Variants in TASP1 observed in about 807,000 individuals in gnomAD.
TASP1 encodes threonine aspartase 1.
Under a neutral mutation model 56.6 loss-of-function variants are expected in TASP1, and 16 were observed. That is an observed-to-expected ratio of 0.28 (90% confidence interval 0.19 to 0.43). The LOEUF (loss-of-function observed/expected upper bound fraction) is 0.43. TASP1 is among the 20% of genes least tolerant of loss of function. The probability of loss-of-function intolerance (pLI) is 1.00; values close to 1 mark genes in which losing one functional copy is unlikely to be tolerated. For synonymous variants in TASP1, 179 were observed against 184.2 expected, an observed-to-expected ratio of 0.97 and a Z score of 0.23; for missense variants, 393 against 511.6, an observed-to-expected ratio of 0.77 and a Z score of 2.24.
chr20:13,315,222 A>G, the TASP1 span, among the ~76,000 whole-genome samples: 3 of 152,166 alleles, frequency 2.0e-5, no homozygotes, highest in African/African-American at 2.4e-5. Flanking sequence ...AACATCAATG[A>G]CCTAAATATA....
downstream of TASP1, among the ~76,000 whole-genome samples, chr20:13,387,553 T>C (rs118162217): frequency 9.9e-4 from 151 of 152,348 alleles, 2 homozygotes; most frequent in East Asian, 0.028. Flanking sequence ...TTTCTTTATC[T>C]AGTTCACTGC....
At chr20:13,626,660 C>A (rs1174591376) in intron 2 of TASP1, among the ~76,000 whole-genome samples, 1 of 152,116 alleles carries the variant, frequency 6.6e-6, no homozygotes, top group Non-Finnish European at 1.5e-5. Flanking sequence ...AAACCTGTTT[C>A]TCAAGAGAAC....
the TASP1 span, among the ~76,000 whole-genome samples, chr20:13,207,322 C>G: frequency 9.1e-4 from 138 of 152,316 alleles, no homozygotes; most frequent in African/African-American, 3.1e-3. Flanking sequence ...AACTGACATA[C>G]TGTTGCTTTT....
the TASP1 span, chr20:13,167,340 C>T: frequency 1.4e-5 from 2 of 145,662 alleles, no homozygotes; most frequent in Non-Finnish European, 1.6e-5. Context: ...ACATCACCGC[C>T]CCGACCTTAG....
the TASP1 span, among the ~76,000 whole-genome samples, chr20:13,264,325 C>T: frequency 6.6e-6 from 1 of 152,152 alleles, no homozygotes; most frequent in Non-Finnish European, 1.5e-5. Context: ...TGATTTGTGC[C>T]TCTTCTGGAG....
At chr20:13,420,370 T>C (rs1174986520) in intron 12 of TASP1, among the ~76,000 whole-genome samples, 1 of 152,242 alleles carries the variant, frequency 6.6e-6, no homozygotes, top group African/African-American at 2.4e-5. Context: ...TTTCTAGATC[T>C]AGTGTTTAGG....
At chr20:13,242,292 C>T in the TASP1 span, among the ~76,000 whole-genome samples, 11 of 152,190 alleles carry the variant, frequency 7.2e-5, 1 homozygote, top group South Asian at 4.2e-4. Context: ...TTTAGATGAA[C>T]GGAGAATGAC....
chr20:13,106,486 G>T, the TASP1 span, among the ~76,000 whole-genome samples: 1 of 152,188 alleles, frequency 6.6e-6, no homozygotes, highest in African/African-American at 2.4e-5. Context: ...CTTCAGTGAT[G>T]AGTGAGCATT....
chr20:13,476,046 G>A (rs2042937923), intron 11 of TASP1, among the ~76,000 whole-genome samples: 1 of 152,168 alleles, frequency 6.6e-6, no homozygotes, highest in African/African-American at 2.4e-5. Flanking sequence ...TTGAATCCAG[G>A]AGGCGGAGAC....
At chr20:13,329,822 GA>G in the TASP1 span, among the ~76,000 whole-genome samples, 4 of 152,042 alleles carry the variant, frequency 2.6e-5, no homozygotes, top group Non-Finnish European at 5.9e-5. Flanking sequence ...AGAGGGATAA[GA>G]GTGGACATCC....
the TASP1 span, among the ~76,000 whole-genome samples, chr20:13,289,851 T>C: frequency 6.6e-6 from 1 of 152,176 alleles, no homozygotes; most frequent in Non-Finnish European, 1.5e-5. Context: ...CTTAGAGCCT[T>C]TCAAGAAACC....
At chr20:13,111,956 C>T in the TASP1 span, among the ~76,000 whole-genome samples, 1 of 152,192 alleles carries the variant, frequency 6.6e-6, no homozygotes, top group Non-Finnish European at 1.5e-5. Flanking sequence ...GCGCCTGCAT[C>T]CCACCACTTC....
the TASP1 span, among the ~76,000 whole-genome samples, chr20:13,285,229 T>G: frequency 1.3e-5 from 2 of 152,020 alleles, no homozygotes; most frequent in Admixed American, 1.3e-4. Context: ...AATTCAGGGC[T>G]GCAATGAGCC....
At chr20:13,222,598 A>C in the TASP1 span, among the ~76,000 whole-genome samples, 1 of 152,050 alleles carries the variant, frequency 6.6e-6, no homozygotes, top group Non-Finnish European at 1.5e-5. Flanking sequence ...ACTTGTAGCA[A>C]AGTCTTTCTC....
the TASP1 span, among the ~76,000 whole-genome samples, chr20:13,198,822 CT>C: frequency 7.2e-6 from 1 of 139,006 alleles, no homozygotes; most frequent in Admixed American, 7.4e-5. Flanking sequence ...TTCTTTCTTT[CT>C]TTCTTTCTTT....
chr20:13,323,580 T>C, the TASP1 span, among the ~76,000 whole-genome samples: 1 of 152,242 alleles, frequency 6.6e-6, no homozygotes, highest in South Asian at 2.1e-4. Context: ...TTTACTTTGT[T>C]AGGCAACATA....
chr20:13,577,354 T>C (rs994582414), intron 6 of TASP1, among the ~76,000 whole-genome samples: 6 of 152,188 alleles, frequency 3.9e-5, no homozygotes, highest in South Asian at 2.1e-4. Context: ...ATGCATCACA[T>C]TGTTTTGTAA....
chr20:13,564,004 T>C (rs2046432955), intron 7 of TASP1, among the ~76,000 whole-genome samples: 1 of 152,142 alleles, frequency 6.6e-6, no homozygotes, highest in African/African-American at 2.4e-5. Context: ...ATATGTACTT[T>C]TACCACTTCT....
the TASP1 span, among the ~76,000 whole-genome samples, chr20:13,260,898 G>T: frequency 6.6e-6 from 1 of 152,212 alleles, no homozygotes; most frequent in Non-Finnish European, 1.5e-5. Flanking sequence ...GCCAGGGCTG[G>T]ATGGTCTAGG....
Sources: allele counts gnomAD v4.1 joint callset (sites outside exome capture counted in the v4.1 genomes callset), GRCh38; gene constraint gnomAD v4.1.1; transcripts MANE v1.5; gene names NCBI Gene and HGNC (gene_info 2026-07-23, HGNC 2026-07-21).